Variants in EPHA6 observed in about 807,000 individuals in gnomAD.
EPHA6 encodes ephrin type-A receptor 6.
Under a neutral mutation model 112.0 loss-of-function variants are expected in EPHA6, and 50 were observed. That is an observed-to-expected ratio of 0.45 (90% CI 0.36 to 0.56). EPHA6 has a LOEUF of 0.56. EPHA6 is among the 20% of genes least tolerant of loss of function. EPHA6 has a pLI of 0.00. For missense variants in EPHA6, 1,280 were observed against 1,417.4 expected, an observed-to-expected ratio of 0.90 and a Z score of 1.56; for synonymous variants, 529 against 490.7, an observed-to-expected ratio of 1.08 and a Z score of -1.03.
intron 5 of EPHA6, among the ~76,000 whole-genome samples, chr3:97,293,405 T>C (rs1023314361): frequency 4.0e-5 from 6 of 150,724 alleles, no homozygotes; most frequent in African/African-American, 1.5e-4. Context: ...ACACTCATGA[T>C]GGGTAGCTCC....
chr3:97,519,967 ATTTT>A (rs570022502), intron 10 of EPHA6, among the ~76,000 whole-genome samples: 1 of 133,744 alleles, frequency 7.5e-6, no homozygotes, highest in Non-Finnish European at 1.6e-5. Context: ...TTTGGATGCA[ATTTT>A]TTTTTTTTTT....
At chr3:97,075,036 A>G (rs558382663) in intron 3 of EPHA6, among the ~76,000 whole-genome samples, 1 of 152,058 alleles carries the variant, frequency 6.6e-6, no homozygotes, top group South Asian at 2.1e-4. Context: ...AGGGAGAAAA[A>G]TTGATTTTCT....
chr3:97,295,309 G>A (rs964503619), intron 5 of EPHA6, among the ~76,000 whole-genome samples: 2 of 151,028 alleles, frequency 1.3e-5, no homozygotes, highest in Admixed American at 6.7e-5. Flanking sequence ...ATTTCAAAAG[G>A]CTTGTCTTCA....
rs910711057 is a variant in EPHA6, at chr3:97,404,142, G to A, written c.1607-1008G>A. Among the ~76,000 whole-genome samples, 3 of 152,128 alleles carry A rather than the reference G, an allele frequency of 2.0e-5. No individual in the cohort carries two copies. The South Asian group carries it at 6.2e-4, about 31-fold the overall frequency. On this transcript the variant is annotated intron_variant, in intron 5 of 17. Coordinates refer to ENST00000389672, the MANE Select transcript of EPHA6 (RefSeq NM_001080448.3). The stretch of plus-strand genomic sequence containing the variant: ...AATGGTATTGTAAATATGTCACTTT[G>A]TGTTGTGCAGTGTATCTCTGAGAGA...
intron 16 of EPHA6, among the ~76,000 whole-genome samples, chr3:97,741,507 G>A (rs1377057433): frequency 2.6e-5 from 4 of 152,050 alleles, no homozygotes; most frequent in Non-Finnish European, 4.4e-5. Flanking sequence ...AGCCTACTAT[G>A]TGCCAGTTGT....
intron 14 of EPHA6, among the ~76,000 whole-genome samples, chr3:97,670,098 C>T (rs1052626790): frequency 6.6e-6 from 1 of 152,144 alleles, no homozygotes; most frequent in African/African-American, 2.4e-5. Flanking sequence ...ATAATGAAGA[C>T]TTAGCTATAA....
intron 14 of EPHA6, among the ~76,000 whole-genome samples, chr3:97,678,078 A>G (rs138144315): frequency 6.6e-6 from 1 of 152,270 alleles, no homozygotes; most frequent in East Asian, 1.9e-4. Context: ...GTAGTCAGAA[A>G]CAAAGTCTTC....
chr3:97,030,246 A>T (rs76478655), intron 3 of EPHA6, among the ~76,000 whole-genome samples: 1 of 152,086 alleles, frequency 6.6e-6, no homozygotes, highest in African/African-American at 2.4e-5. Flanking sequence ...CTTAATACCT[A>T]TGAATCAGGG....
intron 6 of EPHA6, among the ~76,000 whole-genome samples, chr3:97,443,033 AT>A (rs2090192640): frequency 6.6e-6 from 1 of 152,122 alleles, no homozygotes. Context: ...TTCTTGATTT[AT>A]CCAGGCAAAA....
At chr3:97,481,263 T>C in intron 9 of EPHA6, 1 of 1,475,376 alleles carries the variant, frequency 6.8e-7, no homozygotes, top group African/African-American at 1.4e-5. Context: ...TAACCAGGAA[T>C]TGAATAAATA....
At chr3:97,196,669 G>C (rs188353413) in intron 3 of EPHA6, among the ~76,000 whole-genome samples, 1 of 151,162 alleles carries the variant, frequency 6.6e-6, no homozygotes, top group Non-Finnish European at 1.5e-5. Flanking sequence ...TCTGTCTTTG[G>C]TACTGCAGCC....
intron 5 of EPHA6, among the ~76,000 whole-genome samples, chr3:97,400,668 A>G (rs2086941521): frequency 6.6e-6 from 1 of 151,478 alleles, no homozygotes; most frequent in East Asian, 1.9e-4. Context: ...CCTAGATATG[A>G]TATTTATTTA....
rs149863238 is a variant in EPHA6, at chr3:97,720,164, T to C, written c.2785-97T>C. The C allele has an allele frequency of 2.5e-3, 2,538 of 1,033,254 alleles. 38 individuals are homozygous for C. In the African/African-American group the frequency reaches 0.037, roughly 15 times the overall value. 64.0% of individuals were successfully genotyped at this position (1,033,254 alleles called of 1,614,324 possible). ...TTAAAATGCCAGTGCTATTATGAAG[T>C]ATTTAGATCTTTCTAATAAAAAATA... On this transcript the variant is annotated intron_variant, in intron 14 of 17. Transcript: ENST00000389672.
At chr3:97,666,211 T>A (rs2030089945) in intron 14 of EPHA6, among the ~76,000 whole-genome samples, 2 of 152,190 alleles carry the variant, frequency 1.3e-5, no homozygotes, top group East Asian at 3.9e-4. Context: ...GTAGCAAAAC[T>A]CTATGAATTT....
chr3:97,124,320 A>G (rs1239896452), intron 3 of EPHA6, among the ~76,000 whole-genome samples: 1 of 151,940 alleles, frequency 6.6e-6, no homozygotes, highest in East Asian at 1.9e-4. Flanking sequence ...TTAGGGAGGA[A>G]TAAAGACAAT....
Position 97,755,636 on chromosome 3 carries a change from G to A in EPHA6, c.*6935G>A, listed in dbSNP as rs1437093820. Among the ~76,000 whole-genome samples the A allele has an allele frequency of 6.6e-6, 1 of 151,992 alleles. No individual in the cohort carries two copies. The highest frequency in any genetic ancestry group is 2.4e-5 in the African/African-American group (1 of 41,406). On this transcript the variant is annotated 3_prime_UTR_variant, in exon 18 of 18. Transcript: ENST00000389672. ...TACATTATTATAGAAAAAATTCCAA[G>A]GATATAAGAATCATTTTTCATATAT...
chr3:97,078,805 T>C (rs1372450975), intron 3 of EPHA6, among the ~76,000 whole-genome samples: 1 of 152,148 alleles, frequency 6.6e-6, no homozygotes, highest in East Asian at 1.9e-4. Flanking sequence ...GAGGAGTTCT[T>C]CTTATGGATG....
At chr3:97,129,740 A>G (rs2048287066) in intron 3 of EPHA6, among the ~76,000 whole-genome samples, 1 of 152,140 alleles carries the variant, frequency 6.6e-6, no homozygotes, top group South Asian at 2.1e-4. Flanking sequence ...GGCAAGGAGC[A>G]GCAGGGTTGG....
chr3:97,643,090 C>T (rs1189723875), intron 14 of EPHA6, among the ~76,000 whole-genome samples: 1 of 152,212 alleles, frequency 6.6e-6, no homozygotes, highest in Non-Finnish European at 1.5e-5. Flanking sequence ...AACAGTGGAT[C>T]TCTCGGCAGA....
Sources: gnomAD v4.1 joint callset for allele counts (sites outside exome capture counted in the v4.1 genomes callset) on GRCh38, gnomAD v4.1.1 for gene constraint, MANE v1.5 for transcripts, NCBI Gene and HGNC (gene_info 2026-07-23, HGNC 2026-07-21) for gene names.